MBD5: variants seen among roughly 807,000 people sequenced by gnomAD.
The protein encoded by MBD5 is methyl-CpG-binding domain protein 5.
MBD5 carries 13 observed loss-of-function variants against 117.3 expected under a neutral mutation model. The observed-to-expected ratio is 0.11, with a 90% CI of 0.07 to 0.18. The LOEUF (loss-of-function observed/expected upper bound fraction) is 0.18, where lower values mean the gene tolerates loss of function less well. Ranked by LOEUF, MBD5 falls within the 10% of genes least tolerant of loss-of-function variation. The pLI, the probability that MBD5 is intolerant of heterozygous loss-of-function variation, is 1.00. For missense variants in MBD5, 1,879 were observed against 2,093.8 expected, an observed-to-expected ratio of 0.90 and a Z score of 2.00; for synonymous variants, 727 against 766.4, an observed-to-expected ratio of 0.95 and a Z score of 0.85.
chr2:148,492,668 C>T (rs753364913), intron 11 of MBD5, among the ~76,000 whole-genome samples: 2 of 151,980 alleles, frequency 1.3e-5, no homozygotes, highest in Non-Finnish European at 2.9e-5. Flanking sequence ...CTTTTTTCCT[C>T]TATACAACAC....
rs763106823 is a variant in MBD5, at chr2:148,489,753, G to A, written c.4121G>A (p.Ser1374Asn). 39 of 1,614,098 alleles carry A rather than the reference G, an allele frequency of 2.4e-5. 2 individuals carry two copies. The Admixed American group carries it at 5.8e-4, about 24-fold the overall frequency. ...CCATTAAATCTCTCCAGTGCTGTCA[G>A]TGCGGTCATTCATGGACGGAACATG... ...GDPLNLSSAV[S>N]AVIHGRNMGG... Residue 1374 changes from serine to asparagine, a missense_variant, in exon 11 of 14, where the codon AGT becomes AAT. Physicochemically the swap from Ser to Asn is conservative, Grantham distance 46. This residue lies in a region of MBD5 where 1,666 missense variants were observed against 1,792.2 expected (regional missense o/e 0.93). Coordinates refer to ENST00000642680, the MANE Select transcript of MBD5 (RefSeq NM_001378120.1).
chr2:148,267,630 A>G (rs1180535691), intron 3 of MBD5, among the ~76,000 whole-genome samples: 1 of 152,172 alleles, frequency 6.6e-6, no homozygotes, highest in Non-Finnish European at 1.5e-5. Flanking sequence ...ATGTGTTCAT[A>G]TGAATGGATA....
At chr2:148,453,720 A>G (rs1706797697) in intron 4 of MBD5, among the ~76,000 whole-genome samples, 2 of 151,854 alleles carry the variant, frequency 1.3e-5, no homozygotes, top group South Asian at 2.1e-4. Flanking sequence ...AGTTTTTATA[A>G]TATTATAATT....
At chr2:148,501,167 T>A (rs1474799485) in intron 11 of MBD5, among the ~76,000 whole-genome samples, 2 of 152,250 alleles carry the variant, frequency 1.3e-5, no homozygotes, top group African/African-American at 4.8e-5. Flanking sequence ...ATGCTTGTTT[T>A]CAGACTTAAT....
At chr2:148,065,307 G>T (rs1208086888) in intron 1 of MBD5, among the ~76,000 whole-genome samples, 1 of 152,086 alleles carries the variant, frequency 6.6e-6, no homozygotes, top group Non-Finnish European at 1.5e-5. Flanking sequence ...ATTTTCCAGC[G>T]TTGTTAAGGT....
chr2:148,263,004 A>C (rs1270118359), intron 3 of MBD5, among the ~76,000 whole-genome samples: 2 of 152,190 alleles, frequency 1.3e-5, no homozygotes, highest in Non-Finnish European at 2.9e-5. Flanking sequence ...ATGAACACTG[A>C]GTGTGATTCA....
intron 3 of MBD5, among the ~76,000 whole-genome samples, chr2:148,301,034 A>G (rs1051081775): frequency 6.6e-6 from 1 of 152,106 alleles, no homozygotes; most frequent in Non-Finnish European, 1.5e-5. Flanking sequence ...TGATAAATGT[A>G]TTTTCTTCTG....
chr2:148,175,930 G>C (rs1698374041), intron 1 of MBD5, among the ~76,000 whole-genome samples: 1 of 152,118 alleles, frequency 6.6e-6, no homozygotes, highest in Non-Finnish European at 1.5e-5. Flanking sequence ...ATAAGTTTTA[G>C]TAATTTACAT....
intron 2 of MBD5, among the ~76,000 whole-genome samples, chr2:148,182,940 C>A (rs191066373): frequency 6.6e-6 from 1 of 152,300 alleles, no homozygotes; most frequent in East Asian, 1.9e-4. Flanking sequence ...GACCACTGGT[C>A]TCTGATCTGC....
At chr2:148,477,570 CAT>C (rs150623237) in intron 8 of MBD5, among the ~76,000 whole-genome samples, 4,440 of 152,098 alleles carry the variant, frequency 0.029, 245 homozygotes, top group African/African-American at 0.1. Flanking sequence ...CTAGTATTCT[CAT>C]AAAAGTTATC....
chr2:148,063,345 T>A (rs1695091703), intron 1 of MBD5, among the ~76,000 whole-genome samples: 1 of 152,174 alleles, frequency 6.6e-6, no homozygotes, highest in South Asian at 2.1e-4. Context: ...GAAATTGAAA[T>A]AAAATAAATG....
At chr2:148,373,789 G>T (rs1703918847) in intron 4 of MBD5, among the ~76,000 whole-genome samples, 2 of 152,094 alleles carry the variant, frequency 1.3e-5, no homozygotes, top group Non-Finnish European at 2.9e-5. Flanking sequence ...AATGTTTGTT[G>T]ATTAGAATTA....
At chr2:148,446,563 A>G in intron 4 of MBD5, among the ~76,000 whole-genome samples, 1 of 151,378 alleles carries the variant, frequency 6.6e-6, no homozygotes, top group South Asian at 2.1e-4. Context: ...CAGACCATCT[A>G]TATTTACAAG....
At chr2:148,125,040 T>G (rs1170328021) in intron 1 of MBD5, among the ~76,000 whole-genome samples, 1 of 151,710 alleles carries the variant, frequency 6.6e-6, no homozygotes, top group Non-Finnish European at 1.5e-5. Context: ...AACACACTTT[T>G]TAAACGTAAG....
At chr2:148,186,193 T>C (rs1390828439) in intron 2 of MBD5, among the ~76,000 whole-genome samples, 2 of 152,294 alleles carry the variant, frequency 1.3e-5, no homozygotes, top group African/African-American at 2.4e-5. Flanking sequence ...AATTGAATCA[T>C]GGGGGCGGGT....
intron 4 of MBD5, among the ~76,000 whole-genome samples, chr2:148,374,603 T>C (rs1368748178): frequency 6.6e-6 from 1 of 152,082 alleles, no homozygotes; most frequent in East Asian, 1.9e-4. Flanking sequence ...CCGTTTGAAG[T>C]TTTTCTCCAC....
intron 1 of MBD5, among the ~76,000 whole-genome samples, chr2:148,032,158 A>G (rs1694055779): frequency 6.6e-6 from 1 of 152,130 alleles, no homozygotes; most frequent in Non-Finnish European, 1.5e-5. Flanking sequence ...CTTTTTCACA[A>G]AGGGTTTGCC....
At chr2:148,423,296 G>T (rs1451353681) in intron 4 of MBD5, among the ~76,000 whole-genome samples, 2 of 151,664 alleles carry the variant, frequency 1.3e-5, no homozygotes, top group South Asian at 2.1e-4. Flanking sequence ...TTAAAGAAAA[G>T]AATTTTCTTT....
At chr2:148,339,257 T>C (rs1702877562) in intron 3 of MBD5, among the ~76,000 whole-genome samples, 1 of 152,114 alleles carries the variant, frequency 6.6e-6, no homozygotes, top group African/African-American at 2.4e-5. Context: ...ATACATGATC[T>C]AAAAAAATCT....
Sources: allele counts gnomAD v4.1 joint callset (sites outside exome capture counted in the v4.1 genomes callset), GRCh38; gene constraint gnomAD v4.1.1; regional missense constraint gnomAD v4.1.1; transcripts MANE v1.5; gene names NCBI Gene and HGNC (gene_info 2026-07-23, HGNC 2026-07-21).